Variants in TBCD observed in about 807,000 individuals in gnomAD.
TBCD encodes the protein tubulin folding cofactor D, also known as tubulin-specific chaperone D.
In TBCD, 105 loss-of-function variants were observed where a neutral mutation model predicts 169.3. That is an observed-to-expected ratio of 0.62 (90% CI 0.53 to 0.73). The LOEUF (loss-of-function observed/expected upper bound fraction) is 0.73, where lower values mean the gene tolerates loss of function less well. TBCD is among the 30% of genes least tolerant of loss of function. The pLI, the probability that TBCD is intolerant of heterozygous loss-of-function variation, is 0.00. For synonymous variants in TBCD, 700 were observed against 643.9 expected (o/e 1.09, Z -1.32); for missense variants, 1,444 against 1,600.1 (o/e 0.90, Z 1.66).
chr17:82,867,174 G>T (rs2057229576), intron 13 of TBCD, among the ~76,000 whole-genome samples: 1 of 126,282 alleles, frequency 7.9e-6, no homozygotes, highest in South Asian at 3.0e-4. Context: ...CACCTCCGTG[G>T]CCTGGGGTGG....
At chr17:82,761,589 C>A (rs1261656403) in intron 2 of TBCD, among the ~76,000 whole-genome samples, 1 of 152,188 alleles carries the variant, frequency 6.6e-6, no homozygotes, top group Non-Finnish European at 1.5e-5. Context: ...TTTGCCTGTT[C>A]TAGAATCATT....
intron 14 of TBCD, among the ~76,000 whole-genome samples, chr17:82,871,548 A>G (rs1229777303): frequency 4.6e-5 from 7 of 152,394 alleles, no homozygotes; most frequent in Middle Eastern, 3.4e-3. Context: ...CTCCTCCTGC[A>G]GCTGTTCAGG....
Position 82,809,718 on chromosome 17 carries a change from A to G in TBCD, c.1159A>G (p.Met387Val), listed in dbSNP as rs1009887634. ...GCGTTTCTCTTTCAGCATCGGTAGG[A>G]TGGCTGGCAGGCTTCCCAGAGCCCT... ...RWSAAKGIGR[M>V]AGRLPRALAD... Residue 387 changes from methionine to valine, a missense_variant, in exon 12 of 39, where the codon ATG becomes GTG. Coordinates refer to ENST00000355528, the MANE Select transcript of TBCD (RefSeq NM_005993.5). 1 of 1,612,848 alleles carries G rather than the reference A, an allele frequency of 6.2e-7. No individual in the cohort carries two copies. The highest frequency in any genetic ancestry group is 8.5e-7 in the Non-Finnish European group (1 of 1,179,324).
At chr17:82,798,570 G>C (rs1598560169) in intron 8 of TBCD, among the ~76,000 whole-genome samples, 1 of 151,648 alleles carries the variant, frequency 6.6e-6, no homozygotes, top group East Asian at 2.0e-4. Flanking sequence ...GTAATAACTG[G>C]ACTTTTTGTC....
At position 82,943,370 on chromosome 17, in the gene TBCD, C is replaced by T. The variant is rs1243598150; in HGVS notation, c.*907C>T. 6.6e-6 allele frequency: 1 copy of T among 152,254 alleles called. No individual in the cohort carries two copies. Among genetic ancestry groups the T allele is most frequent in the Non-Finnish European group, 1.5e-5 (1 of 68,088 alleles). 9.4% of individuals were successfully genotyped at this position (152,254 alleles called of 1,614,324 possible). On this transcript the variant is annotated 3_prime_UTR_variant, in exon 39 of 39. Coordinates refer to ENST00000355528, the MANE Select transcript of TBCD (RefSeq NM_005993.5). ...CCATCTCTGGGACCTGTGCTGTGCT[C>T]ATAGGGCTTGAGGTGCAGAACCACG... is the stretch of plus-strand genomic sequence containing the variant.
intron 7 of TBCD, among the ~76,000 whole-genome samples, chr17:82,788,799 T>G (rs537673155): frequency 2.0e-4 from 30 of 152,164 alleles, no homozygotes; most frequent in Middle Eastern, 6.8e-3. Flanking sequence ...GCTGACTCCG[T>G]CTCTCCTGTG....
intron 24 of TBCD, chr17:82,921,138 G>A (rs2061398921): frequency 3.3e-6 from 1 of 306,984 alleles, no homozygotes; most frequent in South Asian, 5.6e-5. Context: ...CACATTTGTT[G>A]CTTGTGCAGG....
chr17:82,841,354 G>C (rs1188731599), intron 13 of TBCD, among the ~76,000 whole-genome samples: 5 of 149,338 alleles, frequency 3.3e-5, no homozygotes, highest in Non-Finnish European at 4.4e-5. Context: ...GTCTTGCCCT[G>C]TCACCCAAGC....
intron 14 of TBCD, among the ~76,000 whole-genome samples, chr17:82,878,906 C>G (rs1334467151): frequency 6.6e-6 from 1 of 152,100 alleles, no homozygotes; most frequent in African/African-American, 2.4e-5. Context: ...CTCATGGGTG[C>G]TCATCCTGTT....
Position 82,944,945 on chromosome 17 carries a change from A to G in TBCD, c.*2482A>G, listed in dbSNP as rs2063582700. On this transcript the variant is annotated 3_prime_UTR_variant, in exon 39 of 39. Coordinates refer to ENST00000355528, the MANE Select transcript of TBCD (RefSeq NM_005993.5). ...TCTTATCTCAATCTATCTCCCCTGA[A>G]GTGGCCTGAATTAATACTACCTGTA... The G allele has an allele frequency of 6.6e-6, 1 of 152,246 alleles. No homozygotes were observed. Among genetic ancestry groups the G allele is most frequent in the African/African-American group, 2.4e-5 (1 of 41,474 alleles). The allele number at this position is 152,246 out of a possible 1,614,324, so 9.4% of individuals were successfully genotyped here.
chr17:82,789,612 C>T lies in TBCD; in HGVS notation c.771+7891C>T, dbSNP rs62076558. Among the ~76,000 whole-genome samples the T allele has an allele frequency of 1.3e-5, 2 of 152,244 alleles. No homozygotes were observed. Among genetic ancestry groups the T allele is most frequent in the Non-Finnish European group, 2.9e-5 (2 of 68,030 alleles). ...CCTGCCCTCTCCCCTGCCCCGCCCT[C>T]ACCTGGCTCACAGACCCGTGATGCC... is the stretch of plus-strand genomic sequence containing the variant. On this transcript the variant is annotated intron_variant, in intron 7 of 38. Coordinates refer to ENST00000355528, the MANE Select transcript of TBCD (RefSeq NM_005993.5). This position sits in a 1 kb window ranked among gnomAD's most constrained non-coding sequence, Gnocchi z 4.8.
chr17:82,940,230 C>CACACACACAT (rs1467315526), intron 37 of TBCD, among the ~76,000 whole-genome samples: 2 of 98,192 alleles, frequency 2.0e-5, no homozygotes, highest in Non-Finnish European at 5.3e-5. Flanking sequence ...CGCACACACA[C>CACACACACAT]ACACACACAC....
At chr17:82,939,664 C>T (rs1242424985) in intron 37 of TBCD, among the ~76,000 whole-genome samples, 188 bp downstream of exon 37, 1 of 152,214 alleles carries the variant, frequency 6.6e-6, no homozygotes, top group East Asian at 1.9e-4. Context: ...TCTTCTCAAC[C>T]GCCCTGTCCC....
At chr17:82,780,294 T>C (rs2048860726) in intron 6 of TBCD, among the ~76,000 whole-genome samples, 1 of 151,440 alleles carries the variant, frequency 6.6e-6, no homozygotes, top group African/African-American at 2.5e-5. Context: ...CCCGTTTCCT[T>C]CGTAACTTTT....
In TBCD at chr17:82,920,376, C is replaced by T. The variant is rs2061343911; in HGVS notation, c.2039-180C>T. 3.1e-6 allele frequency: 2 copies of T among 636,368 alleles called. No homozygotes were observed. Among genetic ancestry groups the T allele is most frequent in the East Asian group, 5.5e-5 (2 of 36,616 alleles). The allele number at this position is 636,368 out of a possible 1,614,324, so 39.4% of individuals were successfully genotyped here. A position where few individuals can be genotyped will look rare whatever the true frequency, so the allele number is the denominator to read the frequency against. ...TGCTCAGCGGAGGAGGCGTCTTGGG[C>T]TTCTCATGGTGGTTCTGAAATGGTT... On this transcript the variant is annotated intron_variant, in intron 23 of 38. Coordinates refer to ENST00000355528, the MANE Select transcript of TBCD (RefSeq NM_005993.5). This position sits in a 1 kb window ranked among gnomAD's most constrained non-coding sequence, Gnocchi z 4.1.
At chr17:82,764,813 C>G (rs2047945247) in intron 3 of TBCD, among the ~76,000 whole-genome samples, 2 of 74,192 alleles carry the variant, frequency 2.7e-5, no homozygotes, top group African/African-American at 9.0e-5. Flanking sequence ...TTGCGGGTGT[C>G]TGTGCTCATA....
At chr17:82,871,654 T>TGGAGC (rs2057566400) in intron 14 of TBCD, among the ~76,000 whole-genome samples, 1 of 152,228 alleles carries the variant, frequency 6.6e-6, no homozygotes, top group Non-Finnish European at 1.5e-5. Context: ...CCTTTTGGTC[T>TGGAGC]GGGCGGGGCG....
At chr17:82,882,670 GA>G (rs1283627603) in intron 14 of TBCD, among the ~76,000 whole-genome samples, 1 of 152,118 alleles carries the variant, frequency 6.6e-6, no homozygotes, top group Admixed American at 6.5e-5. Context: ...ACAGGCTCGA[GA>G]TGCTGTGAAT....
chr17:82,768,549 A>C lies in TBCD; in HGVS notation c.565A>C (p.Ile189Leu), dbSNP rs1472257488. 3 of 1,614,026 alleles carry C rather than the reference A, an allele frequency of 1.9e-6. No homozygotes were observed. Among genetic ancestry groups the C allele is most frequent in the Admixed American group, 1.7e-5 (1 of 60,024 alleles). Reference sequence around the variant, plus strand: ...AGCACGAATGTCCATAATGGACCGTATTCTCCAAATAGCAGAGGTAAATAT... The same window carrying C: ...AGCACGAATGTCCATAATGGACCGTCTTCTCCAAATAGCAGAGGTAAATAT... ...GQARMSIMDR[I>L]LQIAESYLIV... The change falls in exon 5 of 39, where the codon ATT (isoleucine) becomes CTT (leucine). Residue 189 changes from isoleucine (I) to leucine (L), a missense_variant. Transcript: ENST00000355528.
Sources: gnomAD v4.1 joint callset for allele counts (sites outside exome capture counted in the v4.1 genomes callset) on GRCh38, gnomAD v4.1.1 for gene constraint, Gnocchi (gnomAD v3.1) non-coding constraint, MANE v1.5 for transcripts, NCBI Gene and HGNC (gene_info 2026-07-23, HGNC 2026-07-21) for gene names.